Variants in ERBIN observed in about 807,000 individuals in gnomAD.
ERBIN encodes the protein erbb2 interacting protein, also known as densin-180-like protein.
Under a neutral mutation model 158.4 loss-of-function variants are expected in ERBIN, and 60 were observed. The ratio of observed to expected loss-of-function variants is 0.38; its 90% CI spans 0.31 to 0.47. The LOEUF is 0.47. Among genes scored for constraint, ERBIN ranks in the 20% least tolerant of loss-of-function variants. The probability of loss-of-function intolerance (pLI) is 0.99; values close to 1 mark genes in which losing one functional copy is unlikely to be tolerated. For missense variants in ERBIN, 1,610 were observed against 1,648.0 expected, an observed-to-expected ratio of 0.98 and a Z score of 0.40; for synonymous variants, 594 against 557.2, an observed-to-expected ratio of 1.07 and a Z score of -0.93.
At chr5:66,047,179 C>T (rs1405056477) in intron 18 of ERBIN, among the ~76,000 whole-genome samples, 1 of 152,088 alleles carries the variant, frequency 6.6e-6, no homozygotes, top group Non-Finnish European at 1.5e-5. Flanking sequence ...TTATATGCCT[C>T]TGTAAATTTG....
At chr5:65,938,097 C>G (rs1266116130) in intron 1 of ERBIN, among the ~76,000 whole-genome samples, 1 of 151,988 alleles carries the variant, frequency 6.6e-6, no homozygotes, top group African/African-American at 2.4e-5. Context: ...ATCTGTGTTT[C>G]TTGTTGATAC....
At chr5:65,945,501 G>A (rs1479795327) in intron 1 of ERBIN, among the ~76,000 whole-genome samples, 1 of 152,102 alleles carries the variant, frequency 6.6e-6, no homozygotes, top group African/African-American at 2.4e-5. Context: ...CTCCTTTATG[G>A]TGCTGGTAAT....
intron 14 of ERBIN, among the ~76,000 whole-genome samples, chr5:66,037,023 C>A (rs939210073): frequency 2.6e-5 from 4 of 152,138 alleles, no homozygotes; most frequent in Non-Finnish European, 5.9e-5. Context: ...AGTATAGTCA[C>A]AGAGTTGTGC....
chr5:65,966,253 G>A (rs553867791), intron 1 of ERBIN, among the ~76,000 whole-genome samples: 95 of 152,314 alleles, frequency 6.2e-4, no homozygotes, highest in African/African-American at 2.0e-3. Context: ...CAAACTTTCT[G>A]CACTGCCAGT....
chr5:66,004,000 A>T (rs563051813), intron 4 of ERBIN, among the ~76,000 whole-genome samples: 1 of 137,146 alleles, frequency 7.3e-6, no homozygotes, highest in Non-Finnish European at 1.5e-5. Context: ...GTACAGTGGC[A>T]TGATCATAGC....
At chr5:66,015,729 C>G (rs992873561) in intron 7 of ERBIN, among the ~76,000 whole-genome samples, 2 of 152,146 alleles carry the variant, frequency 1.3e-5, no homozygotes, top group Non-Finnish European at 2.9e-5. Flanking sequence ...CCCAGCTACT[C>G]TGGAGGCTGA....
At chr5:65,964,441 A>T (rs1048484615) in intron 1 of ERBIN, among the ~76,000 whole-genome samples, 1 of 152,236 alleles carries the variant, frequency 6.6e-6, no homozygotes, top group Admixed American at 6.5e-5. Flanking sequence ...TTTGGGGCAG[A>T]ATCCTGCTGG....
In ERBIN at chr5:66,050,829, T is replaced by C. The variant is rs1758944730; in HGVS notation, c.1950T>C (p.Asn650=). 6.3e-7 allele frequency: 1 copy of C among 1,596,044 alleles called. No individual in the cohort carries two copies. Among genetic ancestry groups the C allele is most frequent in the African/African-American group, 1.4e-5 (1 of 73,460 alleles). The change falls in exon 20 of 26, where the codon AAT becomes AAC. Residue 650 remains asparagine, a synonymous_variant. Coordinates refer to ENST00000284037, the MANE Select transcript of ERBIN (RefSeq NM_001253697.2). Reference sequence around the variant, plus strand: ...CTTTATCAGATGAAGTTACACACAATAGCAATCAGAATAACAGCAATTGTT... The same window carrying C: ...CTTTATCAGATGAAGTTACACACAACAGCAATCAGAATAACAGCAATTGTT... ...TDSLSDEVTH[N]SNQNNSNCSS... is the part of the protein sequence containing the mutation.
chr5:65,997,498 TA>T (rs1752559713), intron 4 of ERBIN, among the ~76,000 whole-genome samples: 1 of 152,206 alleles, frequency 6.6e-6, no homozygotes, highest in African/African-American at 2.4e-5. Flanking sequence ...GTTAAGTCCT[TA>T]CCTCAGAAGG....
chr5:66,062,199 C>T (rs979242095), intron 21 of ERBIN, among the ~76,000 whole-genome samples: 35 of 152,188 alleles, frequency 2.3e-4, no homozygotes, highest in African/African-American at 8.0e-4. Flanking sequence ...TAGATTTGGT[C>T]TTTTCACATA....
At chr5:65,945,755 T>C (rs945595784) in intron 1 of ERBIN, among the ~76,000 whole-genome samples, 9 of 152,362 alleles carry the variant, frequency 5.9e-5, no homozygotes, top group African/African-American at 2.2e-4. Context: ...TTTATAAATA[T>C]GTTTCACTTC....
rs146014833 is a variant in ERBIN, at chr5:66,067,052, A to T, written c.3634-5117A>T. The stretch of plus-strand genomic sequence containing the variant: ...ACACATTAAAGCTCTCTGCACAGCA[A>T]ATGTGTGTGTCTGTTATTTATGTAT... On this transcript the variant is annotated intron_variant, in intron 21 of 25. Transcript: ENST00000284037. Among the ~76,000 whole-genome samples the T allele has an allele frequency of 7.7e-4, 117 of 152,324 alleles. 1 individual carries two copies. The highest frequency in any genetic ancestry group is 1.5e-3 in the Non-Finnish European group (104 of 68,018).
rs201942788 is a variant in ERBIN at position 66,050,828 on chromosome 5, A to G, written c.1949A>G (p.Asn650Ser). 19 of 1,596,296 alleles carry G rather than the reference A, an allele frequency of 1.2e-5. No homozygotes were observed. The highest frequency in any genetic ancestry group is 1.7e-4 in the Middle Eastern group (1 of 6,048). Residue 650 changes from asparagine (N) to serine (S), a missense_variant, in exon 20 of 26, where the codon AAT (asparagine) becomes AGT (serine). Physicochemically the swap from Asn to Ser is conservative, Grantham distance 46. Around this residue, in one of 2 missense-constraint regions of ERBIN, gnomAD observed 1,014 missense variants for 936.1 expected, o/e 1.08. Coordinates refer to ENST00000284037, the MANE Select transcript of ERBIN (RefSeq NM_001253697.2). ...TCTTTATCAGATGAAGTTACACACA[A>G]TAGCAATCAGAATAACAGCAATTGT... ...TDSLSDEVTHNSNQNNSNCSS... is the reference protein window; with the variant it reads ...TDSLSDEVTHSSNQNNSNCSS...
At chr5:66,045,422 A>G (rs565224610) in intron 17 of ERBIN, among the ~76,000 whole-genome samples, 1 of 145,958 alleles carries the variant, frequency 6.9e-6, no homozygotes, top group East Asian at 1.9e-4. Context: ...CCTATATGTA[A>G]TATAGTATAT....
intron 1 of ERBIN, among the ~76,000 whole-genome samples, chr5:65,970,785 G>C (rs984183840): frequency 9.2e-5 from 14 of 152,122 alleles, no homozygotes; most frequent in South Asian, 2.1e-4. Flanking sequence ...TTTAGAGACA[G>C]GGTGTTGTTG....
intron 1 of ERBIN, among the ~76,000 whole-genome samples, chr5:65,972,705 C>A (rs1451347815): frequency 6.6e-6 from 1 of 151,336 alleles, no homozygotes; most frequent in Non-Finnish European, 1.5e-5. Flanking sequence ...TAAAATAGAT[C>A]TGAATGCTAC....
At chr5:65,996,326 G>C (rs1243855044) in intron 4 of ERBIN, among the ~76,000 whole-genome samples, 1 of 144,610 alleles carries the variant, frequency 6.9e-6, no homozygotes, top group Non-Finnish European at 1.5e-5. Flanking sequence ...TTTAAATGGT[G>C]TAAGATAAGG....
rs539804685 is a variant in ERBIN, at chr5:65,956,249, G to A, written c.-58+29443G>A. On this transcript the variant is annotated intron_variant, in intron 1 of 25. Transcript: ENST00000284037. ...TTAGAAACTGAAGGCCCTTCGGGGT[G>A]TGGGTGTGTGGTGGTAGTGGTGATG... 4.0e-5 allele frequency among the ~76,000 whole-genome samples: 6 copies of A among 150,930 alleles called. No homozygotes were observed. The East Asian group carries it at 1.2e-3, about 29-fold the overall frequency.
intron 18 of ERBIN, among the ~76,000 whole-genome samples, chr5:66,048,411 A>G (rs1040687513): frequency 2.6e-5 from 4 of 151,960 alleles, no homozygotes; most frequent in Non-Finnish European, 4.4e-5. Context: ...CAGCACGTGA[A>G]CATCTCAGTA....
Sources: allele counts gnomAD v4.1 joint callset (sites outside exome capture counted in the v4.1 genomes callset), GRCh38; gene constraint gnomAD v4.1.1; regional missense constraint gnomAD v4.1.1; transcripts MANE v1.5; gene names NCBI Gene and HGNC (gene_info 2026-07-23, HGNC 2026-07-21).